Variants in TEF observed in about 807,000 individuals in gnomAD.
The protein encoded by TEF is thyrotroph embryonic factor.
In TEF, 3 loss-of-function variants were observed where a neutral mutation model predicts 20.8. That is an observed-to-expected ratio of 0.14 (90% CI 0.07 to 0.37). The LOEUF is 0.37. TEF is among the 10% of genes least tolerant of loss of function. The pLI, the probability that TEF is intolerant of heterozygous loss-of-function variation, is 1.00. For missense variants in TEF, 296 were observed against 397.9 expected (o/e 0.74, Z 2.18); for synonymous variants, 180 against 171.1 (o/e 1.05, Z -0.41).
chr22:41,380,186 C>T (rs970863399), upstream of TEF, among the ~76,000 whole-genome samples: 2 of 152,186 alleles, frequency 1.3e-5, no homozygotes, highest in Non-Finnish European at 2.9e-5. Flanking sequence ...GAGTCTCCCT[C>T]TGTCGCCCAG....
At chr22:41,380,984 G>A (rs1344079265), upstream of TEF, among the ~76,000 whole-genome samples, 1 of 152,258 alleles carries the variant, frequency 6.6e-6, no homozygotes, top group African/African-American at 2.4e-5. Context: ...AAGCTCCAGT[G>A]AAGCAACCGG....
intron 1 of TEF, chr22:41,368,945 T>C: frequency 4.0e-6 from 2 of 504,754 alleles, no homozygotes; most frequent in Non-Finnish European, 2.6e-6. Flanking sequence ...GCTGACTTTT[T>C]TGGCATCTCT....
At chr22:41,381,715 G>A (rs1332698243), upstream of TEF, among the ~76,000 whole-genome samples, 9 of 151,680 alleles carry the variant, frequency 5.9e-5, no homozygotes, top group East Asian at 1.6e-3. Flanking sequence ...GGGCGGCGGG[G>A]CGGGGCCTCC....
In TEF at chr22:41,398,985, C is replaced by T. The variant is rs2037262313; in HGVS notation, c.*3025C>T. On this transcript the variant is annotated 3_prime_UTR_variant, in exon 4 of 4. Coordinates refer to ENST00000266304, the MANE Select transcript of TEF (RefSeq NM_003216.4). ...TTTTTCTAGAAAATGGCAAAGATGA[C>T]TTCCAGGTGGATATTGCTCTCTTAC... 1 of 152,694 alleles carries T rather than the reference C, an allele frequency of 6.5e-6. No individual in the cohort carries two copies. The highest frequency in any genetic ancestry group is 1.5e-5 in the Non-Finnish European group (1 of 68,066). 9.5% of individuals were successfully genotyped at this position (152,694 alleles called of 1,614,324 possible).
chr22:41,377,389 C>T (rs998742863), upstream of TEF: 3 of 152,046 alleles, frequency 2.0e-5, no homozygotes, highest in Admixed American at 6.6e-5. Flanking sequence ...TCTTTTTTCC[C>T]CCTGAAAAGC....
At chr22:41,388,040 C>T (rs1685287279) in intron 2 of TEF, among the ~76,000 whole-genome samples, 1 of 127,144 alleles carries the variant, frequency 7.9e-6, no homozygotes, top group South Asian at 2.5e-4. Flanking sequence ...CTCTGTTGCC[C>T]AGGCTGGAGT....
At chr22:41,367,707 C>A in intron 1 of TEF, 1 of 1,147,318 alleles carries the variant, frequency 8.7e-7, no homozygotes, top group Non-Finnish European at 1.2e-6. Flanking sequence ...CAGGGAGGGT[C>A]TCAGCAGTGG....
chr22:41,391,718 G>A (rs2037169222), intron 2 of TEF, among the ~76,000 whole-genome samples: 1 of 151,926 alleles, frequency 6.6e-6, no homozygotes, highest in South Asian at 2.1e-4. Context: ...TGCCTACTGG[G>A]TTTAAGCAAT....
rs895169061 is a variant in TEF at position 41,396,074 on chromosome 22, C to T, written c.*114C>T. The T allele has an allele frequency of 1.3e-5, 16 of 1,191,222 alleles. 1 individual carries two copies. Among genetic ancestry groups the T allele is most frequent in the Admixed American group, 5.2e-5 (2 of 38,506 alleles). 73.8% of individuals were successfully genotyped at this position (1,191,222 alleles called of 1,614,324 possible). A position where few individuals can be genotyped will look rare whatever the true frequency, so the allele number is the denominator to read the frequency against. ...ATGACTCGTCGTGGGCGCATGGCGG[C>T]GCACCTGCTGCAGGAGCGGCCACGT... On this transcript the variant is annotated 3_prime_UTR_variant, in exon 4 of 4. Coordinates refer to ENST00000266304, the MANE Select transcript of TEF (RefSeq NM_003216.4).
upstream of TEF, among the ~76,000 whole-genome samples, chr22:41,378,004 C>T (rs1208332154): frequency 6.6e-6 from 1 of 152,180 alleles, no homozygotes; most frequent in Non-Finnish European, 1.5e-5. Context: ...GTGTTAGAAC[C>T]TTCCACTGTT....
chr22:41,393,966 T>A, intron 2 of TEF, 130 bp from the exon 3 acceptor site: 1 of 696,584 alleles, frequency 1.4e-6, no homozygotes. Context: ...CTGGTACTGT[T>A]GGGGTTTTCT....
intron 1 of TEF, chr22:41,383,114 C>T (rs1323125802): frequency 8.8e-6 from 4 of 454,150 alleles, no homozygotes; most frequent in African/African-American, 4.0e-5. Context: ...CAAGAGCCAT[C>T]AGTTATTCAG....
chr22:41,396,088 G>T lies in TEF; in HGVS notation c.*128G>T. 2.0e-6 allele frequency: 2 copies of T among 1,007,040 alleles called. No individual in the cohort carries two copies. Among genetic ancestry groups the T allele is most frequent in the Non-Finnish European group, 2.9e-6 (2 of 694,196 alleles). 62.4% of individuals were successfully genotyped at this position (1,007,040 alleles called of 1,614,324 possible). On this transcript the variant is annotated 3_prime_UTR_variant, in exon 4 of 4. Coordinates refer to ENST00000266304, the MANE Select transcript of TEF (RefSeq NM_003216.4). ...GCGCATGGCGGCGCACCTGCTGCAGGAGCGGCCACGTCTCAGCTTCATTAT... is the reference window on the plus strand; with the variant it reads ...GCGCATGGCGGCGCACCTGCTGCAGTAGCGGCCACGTCTCAGCTTCATTAT...
intron 1 of TEF, among the ~76,000 whole-genome samples, chr22:41,374,975 A>C (rs1221022224): frequency 6.6e-6 from 1 of 152,150 alleles, no homozygotes; most frequent in Admixed American, 6.5e-5. Flanking sequence ...CTGTTGTTCA[A>C]GGGCCGACTA....
chr22:41,389,318 G>A (rs1222154193), intron 2 of TEF, among the ~76,000 whole-genome samples: 2 of 151,934 alleles, frequency 1.3e-5, no homozygotes, highest in African/African-American at 4.8e-5. Context: ...GGAGAATGGC[G>A]TGAACCCAGG....
intron 1 of TEF, among the ~76,000 whole-genome samples, chr22:41,375,508 T>C (rs755732011): frequency 4.6e-5 from 7 of 152,122 alleles, no homozygotes; most frequent in Non-Finnish European, 8.8e-5. Flanking sequence ...CCCAGCACTT[T>C]GGGAGGCCGA....
At chr22:41,395,090 TC>T (rs1569258711) in intron 3 of TEF, among the ~76,000 whole-genome samples, 2 of 152,196 alleles carry the variant, frequency 1.3e-5, no homozygotes, top group Non-Finnish European at 2.9e-5. Flanking sequence ...CACTGCAACT[TC>T]CGCCTCCCAG....
chr22:41,379,655 A>C (rs2036989506), upstream of TEF, among the ~76,000 whole-genome samples: 1 of 152,226 alleles, frequency 6.6e-6, no homozygotes, highest in Admixed American at 6.5e-5. Flanking sequence ...ACCGGAGGTC[A>C]GGAGTTCGAG....
chr22:41,386,992 C>G (rs888863690), intron 1 of TEF, among the ~76,000 whole-genome samples: 2 of 152,060 alleles, frequency 1.3e-5, no homozygotes, highest in Non-Finnish European at 2.9e-5. Flanking sequence ...TGCAGCGAGC[C>G]GAAATTGGGT....
Sources: gnomAD v4.1 joint callset for allele counts (sites outside exome capture counted in the v4.1 genomes callset) on GRCh38, gnomAD v4.1.1 for gene constraint, MANE v1.5 for transcripts, NCBI Gene and HGNC (gene_info 2026-07-23, HGNC 2026-07-21) for gene names.